SRP54: variants seen among roughly 807,000 people sequenced by gnomAD.
The protein encoded by SRP54 is signal recognition particle subunit SRP54.
A neutral mutation model predicts 64.8 loss-of-function variants in SRP54; 10 were observed. The ratio of observed to expected loss-of-function variants is 0.15; its 90% CI spans 0.10 to 0.26. SRP54 has a LOEUF of 0.26. Among genes scored for constraint, SRP54 ranks in the 10% least tolerant of loss-of-function variants. The pLI is 1.00. For synonymous variants in SRP54, 193 were observed against 185.6 expected, an observed-to-expected ratio of 1.04 and a Z score of -0.32; for missense variants, 325 against 613.7, an observed-to-expected ratio of 0.53 and a Z score of 4.97.
At chr14:35,026,902 C>T (rs571594976) in intron 14 of SRP54, among the ~76,000 whole-genome samples, 1 of 152,216 alleles carries the variant, frequency 6.6e-6, no homozygotes, top group East Asian at 1.9e-4. Context: ...GAGTTCGTGC[C>T]ATTGCACTCC....
At chr14:34,995,481 G>A (rs2044058269) in intron 1 of SRP54, among the ~76,000 whole-genome samples, 1 of 152,068 alleles carries the variant, frequency 6.6e-6, no homozygotes, top group Non-Finnish European at 1.5e-5. Flanking sequence ...CTCTCTTAGT[G>A]TTTATTTTAG....
rs1043395893 is a variant in SRP54 at position 35,029,228 on chromosome 14, G to A, written c.*76G>A. On this transcript the variant is annotated 3_prime_UTR_variant, in exon 16 of 16. Coordinates refer to ENST00000216774, the MANE Select transcript of SRP54 (RefSeq NM_003136.4). ...ACCTCAGCGTTTCCCTTCTTTTTGC[G>A]AATTGGGGGGAAAGTGTATTTTTCT... 46 of 1,099,696 alleles carry A rather than the reference G, an allele frequency of 4.2e-5. 2 individuals carry two copies. The highest frequency in any genetic ancestry group is 2.9e-4 in the South Asian group (20 of 69,312). The allele number at this position is 1,099,696 out of a possible 1,614,324, so 68.1% of individuals were successfully genotyped here.
chr14:35,018,153 T>C (rs557113246), intron 11 of SRP54, among the ~76,000 whole-genome samples: 1 of 152,364 alleles, frequency 6.6e-6, no homozygotes, highest in East Asian at 1.9e-4. Flanking sequence ...ATCTGTTTTC[T>C]TTGACTAAGC....
At chr14:35,007,231 A>AT (rs2044270953) in intron 4 of SRP54, 52 bp from the exon 5 acceptor site, 28 of 1,294,724 alleles carry the variant, frequency 2.2e-5, no homozygotes, top group Non-Finnish European at 2.9e-5. Flanking sequence ...GGGGTTTTGA[A>AT]TTTATATGTA....
intron 14 of SRP54, among the ~76,000 whole-genome samples, chr14:35,024,217 C>T (rs1463258708): frequency 3.9e-5 from 6 of 151,958 alleles, no homozygotes; most frequent in African/African-American, 7.2e-5. Context: ...TTAGTAGAGA[C>T]GGGGTTTCAC....
At chr14:35,005,046 A>G (rs138108315) in intron 4 of SRP54, among the ~76,000 whole-genome samples, 21 of 152,312 alleles carry the variant, frequency 1.4e-4, no homozygotes, top group African/African-American at 5.1e-4. Flanking sequence ...AAAAGCAGTA[A>G]ATGGGTCAGG....
At chr14:35,009,912 G>C (rs888802209) in intron 7 of SRP54, among the ~76,000 whole-genome samples, 1 of 152,088 alleles carries the variant, frequency 6.6e-6, no homozygotes, top group African/African-American at 2.4e-5. Flanking sequence ...CACGTTGGGA[G>C]GCTGAGGCGG....
chr14:34,986,328 A>G (rs1270247017), intron 1 of SRP54, among the ~76,000 whole-genome samples: 1 of 152,154 alleles, frequency 6.6e-6, no homozygotes, highest in Admixed American at 6.6e-5. Flanking sequence ...TTATCTTTTG[A>G]AGGGAGTCTT....
chr14:35,027,077 T>C (rs2044642903), intron 14 of SRP54, among the ~76,000 whole-genome samples: 1 of 149,722 alleles, frequency 6.7e-6, no homozygotes, highest in African/African-American at 2.4e-5. Flanking sequence ...TCGCCCAGGC[T>C]GGAGTACAGT....
chr14:35,019,577 T>C (rs1221716571), intron 13 of SRP54, among the ~76,000 whole-genome samples: 2 of 152,192 alleles, frequency 1.3e-5, no homozygotes, highest in African/African-American at 4.8e-5. Context: ...CTAACATACA[T>C]TGGGAAACTA....
At position 34,983,108 on chromosome 14, in the gene SRP54, A is replaced by G. The variant is rs934216126; in HGVS notation, c.-141A>G. 6.6e-6 allele frequency: 1 copy of G among 152,334 alleles called. No individual in the cohort carries two copies. The highest frequency in any genetic ancestry group is 2.4e-5 in the African/African-American group (1 of 41,468). 9.4% of individuals were successfully genotyped at this position (152,334 alleles called of 1,614,324 possible). ...GTTCGGGAAGTTGGGTTGTGGGGTC[A>G]TACCTGTCTGTCTGCTCCCAGCTTT... On this transcript the variant is annotated 5_prime_UTR_variant, in exon 1 of 16. Coordinates refer to ENST00000216774, the MANE Select transcript of SRP54 (RefSeq NM_003136.4).
intron 13 of SRP54, 44 bp from the exon 14 acceptor site, chr14:35,022,866 G>A (rs1419253961): frequency 6.6e-7 from 1 of 1,510,440 alleles, no homozygotes; most frequent in Non-Finnish European, 8.9e-7. Flanking sequence ...CTGCTTTGAT[G>A]GTGAATGATA....
chr14:34,988,639 T>C (rs1005341048), intron 1 of SRP54, among the ~76,000 whole-genome samples: 49 of 137,774 alleles, frequency 3.6e-4, no homozygotes, highest in African/African-American at 1.3e-3. Context: ...ATACAATACC[T>C]ATAGGCCATT....
intron 13 of SRP54, among the ~76,000 whole-genome samples, chr14:35,020,474 A>G (rs1364753818): frequency 6.6e-6 from 1 of 152,228 alleles, no homozygotes; most frequent in Non-Finnish European, 1.5e-5. Flanking sequence ...CCAAAATTGG[A>G]GTCAGTTCTG....
chr14:35,020,516 A>G (rs564049793), intron 13 of SRP54, among the ~76,000 whole-genome samples: 12 of 152,308 alleles, frequency 7.9e-5, no homozygotes, highest in Non-Finnish European at 1.6e-4. Flanking sequence ...TTATCAACTA[A>G]GTTTATGTAA....
At chr14:35,004,676 A>G (rs145555779) in intron 4 of SRP54, 86 of 152,332 alleles carry the variant, frequency 5.6e-4, no homozygotes, top group African/African-American at 2.1e-3. Context: ...ACTAAAACAT[A>G]TATGTTCCAA....
intron 9 of SRP54, 26 bp from the exon 10 acceptor site, chr14:35,013,776 A>C: frequency 6.3e-7 from 1 of 1,577,682 alleles, no homozygotes; most frequent in Non-Finnish European, 8.6e-7. Flanking sequence ...TTTTGAGGTT[A>C]TTTTATATTT....
intron 4 of SRP54, among the ~76,000 whole-genome samples, chr14:35,005,398 A>G (rs141450474): frequency 4.6e-5 from 7 of 152,360 alleles, no homozygotes; most frequent in African/African-American, 1.4e-4. Flanking sequence ...ATTTTTTTCA[A>G]TGTAATAACT....
At position 34,995,841 on chromosome 14, in the gene SRP54, A is replaced by G. The variant is rs2044064043; in HGVS notation, c.-33-836A>G. 2.0e-5 allele frequency among the ~76,000 whole-genome samples: 3 copies of G among 152,270 alleles called. No individual in the cohort carries two copies. In the South Asian group the frequency reaches 6.2e-4, roughly 32 times the overall value. ...TTTTAGAGTTTTCCTGGAATCAGAA[A>G]CAGGTTTAAAATGGGAAGAGAACCA... On this transcript the variant is annotated intron_variant, in intron 1 of 15. Coordinates refer to ENST00000216774, the MANE Select transcript of SRP54 (RefSeq NM_003136.4).
Sources: allele counts gnomAD v4.1 joint callset (sites outside exome capture counted in the v4.1 genomes callset), GRCh38; gene constraint gnomAD v4.1.1; transcripts MANE v1.5; gene names NCBI Gene and HGNC (gene_info 2026-07-23, HGNC 2026-07-21).